The following MATN2 variants were observed in gnomAD, a reference collection of about 807,000 sequenced individuals.
MATN2 encodes the protein matrilin 2, also known as matrilin-2.
Under a neutral mutation model 103.2 loss-of-function variants are expected in MATN2, and 69 were observed. The observed-to-expected ratio is 0.67, with a 90% CI of 0.55 to 0.82. MATN2 has a LOEUF of 0.82. Ranked by LOEUF, MATN2 falls within the 40% of genes least tolerant of loss-of-function variation. The pLI is 0.00. For synonymous variants in MATN2, 429 were observed against 450.2 expected, an observed-to-expected ratio of 0.95 and a Z score of 0.60; for missense variants, 1,023 against 1,211.5, an observed-to-expected ratio of 0.84 and a Z score of 2.31.
chr8:97,897,173 G>C (rs1818841798), intron 2 of MATN2, among the ~76,000 whole-genome samples: 1 of 152,238 alleles, frequency 6.6e-6, no homozygotes, highest in South Asian at 2.1e-4. Flanking sequence ...CAGTAGGTCT[G>C]GGTTGGAGCC....
At chr8:98,020,881 T>C (rs553325814) in intron 12 of MATN2, 108 of 212,770 alleles carry the variant, frequency 5.1e-4, no homozygotes, top group Middle Eastern at 2.0e-3. Context: ...ACATGAGAAA[T>C]GTTCATTAGA....
rs575246475 is a variant in MATN2, at chr8:97,968,890, C to T, written c.958+7360C>T. Among the ~76,000 whole-genome samples the T allele has an allele frequency of 1.2e-4, 18 of 152,316 alleles. No homozygotes were observed. The South Asian group carries it at 2.5e-3, about 21-fold the overall frequency. On this transcript the variant is annotated intron_variant, in intron 5 of 18. Transcript: ENST00000254898. Reference sequence around the variant, plus strand: ...AATAGCAACACCCCACTCTCAGTACCGGTTTTCTGTGTTAGGCTGCTTGCA... The same window carrying T: ...AATAGCAACACCCCACTCTCAGTACTGGTTTTCTGTGTTAGGCTGCTTGCA...
chr8:98,007,062 G>GC lies in MATN2; in HGVS notation c.1328-38dup. The GC allele has an allele frequency of 6.4e-7, 1 of 1,557,952 alleles. No homozygotes were observed. Among genetic ancestry groups the GC allele is most frequent in the Non-Finnish European group, 8.7e-7 (1 of 1,148,172 alleles). ...GAATCTTGGTTGCTGGTGGGGTATTGCCCCCTCGGCTCCTCTATGCTTTCG... is the reference window on the plus strand; with the variant it reads ...GAATCTTGGTTGCTGGTGGGGTATTGCCCCCCTCGGCTCCTCTATGCTTTCG... On this transcript the variant is annotated intron_variant, in intron 8 of 18. Transcript: ENST00000254898. This position sits in a 1 kb window ranked among gnomAD's most constrained non-coding sequence, Gnocchi z 4.2.
intron 7 of MATN2, among the ~76,000 whole-genome samples, chr8:97,995,752 C>T (rs370078080): frequency 5.0e-4 from 76 of 152,310 alleles, no homozygotes; most frequent in African/African-American, 1.8e-3. Context: ...CTAGCAAGTG[C>T]TAAACTGTGT....
chr8:97,986,655 A>G (rs1812205450), intron 6 of MATN2, among the ~76,000 whole-genome samples: 2 of 152,158 alleles, frequency 1.3e-5, no homozygotes, highest in Non-Finnish European at 1.5e-5. Flanking sequence ...GTATATAGAC[A>G]CTGTATTTTC....
chr8:97,893,757 A>C (rs1038566380), intron 2 of MATN2, among the ~76,000 whole-genome samples: 2 of 151,926 alleles, frequency 1.3e-5, no homozygotes, highest in African/African-American at 4.8e-5. Flanking sequence ...TTGTATTTTT[A>C]GTAGAGACAG....
rs1274633720 is a variant in MATN2 at position 98,007,128 on chromosome 8, G to A, written c.1351G>A (p.Asp451Asn). 2 of 1,611,898 alleles carry A rather than the reference G, an allele frequency of 1.2e-6. No homozygotes were observed. The highest frequency in any genetic ancestry group is 2.7e-5 in the African/African-American group (2 of 74,864). ...AGGAGTGGACCACTGTGCACAGCAG[G>A]ACCATGGCTGTGAGCAGCTGTGTCT... ...CSRVDHCAQQDHGCEQLCLNT... is the reference protein window; with the variant it reads ...CSRVDHCAQQNHGCEQLCLNT... The change falls in exon 9 of 19, where the codon GAC becomes AAC. Residue 451 changes from aspartate (D) to asparagine (N), a missense_variant. Asp to Asn is a conservative substitution (Grantham distance 23, BLOSUM62 1). Coordinates refer to ENST00000254898, the MANE Select transcript of MATN2 (RefSeq NM_002380.5). The surrounding 1 kb of genome is among the most constrained non-coding windows in gnomAD (Gnocchi z 4.2).
intron 11 of MATN2, among the ~76,000 whole-genome samples, chr8:98,017,477 G>A (rs1484955134): frequency 1.3e-5 from 2 of 152,178 alleles, no homozygotes; most frequent in South Asian, 2.1e-4. Context: ...TTTTCTCAAC[G>A]TCTCAAAGCA....
At position 97,884,328 on chromosome 8, in the gene MATN2, C is replaced by T. The variant is rs376819485; in HGVS notation, c.-26-3747C>T. On this transcript the variant is annotated intron_variant, in intron 1 of 18. Transcript: ENST00000254898. Reference sequence around the variant, plus strand: ...GCTAATTTTGTATTTTTAGTAGAGACGGGATTTCTCCATGTTGATGAGGCT... The same window carrying T: ...GCTAATTTTGTATTTTTAGTAGAGATGGGATTTCTCCATGTTGATGAGGCT... Among the ~76,000 whole-genome samples, 37 of 151,780 alleles carry T rather than the reference C, an allele frequency of 2.4e-4. 1 individual carries two copies. The South Asian group carries it at 4.2e-3, about 17-fold the overall frequency.
At chr8:97,890,527 G>C (rs1204289556) in intron 2 of MATN2, among the ~76,000 whole-genome samples, 1 of 150,978 alleles carries the variant, frequency 6.6e-6, no homozygotes, top group African/African-American at 2.4e-5. Flanking sequence ...AAACACTATA[G>C]CTGTGGCCTG....
chr8:97,931,342 G>A lies in MATN2; in HGVS notation c.532G>A (p.Ala178Thr), dbSNP rs34354598. The change falls in exon 3 of 19, where the codon GCC becomes ACC. Residue 178 changes from alanine (A) to threonine (T), a missense_variant. Ala to Thr is a moderately conservative substitution (Grantham distance 58). Coordinates refer to ENST00000254898, the MANE Select transcript of MATN2 (RefSeq NM_002380.5). This position sits in a 1 kb window ranked among gnomAD's most constrained non-coding sequence, Gnocchi z 4.1. ...AGATGGGAGACCTCAGGACTCCGTG[G>A]CCGAGGTGGCTGCTAAGGCACGGGA... Reference protein sequence around the residue: ...VTDGRPQDSVAEVAAKARDTG... With the variant: ...VTDGRPQDSVTEVAAKARDTG... 2,791 of 1,613,898 alleles carry A rather than the reference G, an allele frequency of 1.7e-3. 36 individuals are homozygous for A. The African/African-American group carries it at 0.032, about 19-fold the overall frequency.
At chr8:98,013,112 G>C (rs1019968636) in intron 10 of MATN2, among the ~76,000 whole-genome samples, 2 of 152,206 alleles carry the variant, frequency 1.3e-5, no homozygotes, top group African/African-American at 4.8e-5. Flanking sequence ...TCCTATAGGG[G>C]AGTATCTTTG....
intron 2 of MATN2, among the ~76,000 whole-genome samples, chr8:97,923,803 C>G (rs10087303): frequency 2.0e-5 from 3 of 152,122 alleles, no homozygotes; most frequent in Non-Finnish European, 4.4e-5. Context: ...GTGATCCAAC[C>G]GCCTTGGCCT....
At chr8:97,873,882 C>T (rs1023218227) in intron 1 of MATN2, among the ~76,000 whole-genome samples, 1 of 152,154 alleles carries the variant, frequency 6.6e-6, no homozygotes, top group Non-Finnish European at 1.5e-5. Context: ...CTTGCCTCAG[C>T]CTCTCAAAGT....
At chr8:98,003,231 T>G (rs1812845435) in intron 7 of MATN2, among the ~76,000 whole-genome samples, 1 of 152,214 alleles carries the variant, frequency 6.6e-6, no homozygotes, top group African/African-American at 2.4e-5. Context: ...CTCAGGTGTT[T>G]GCGTTTGCTG....
intron 5 of MATN2, among the ~76,000 whole-genome samples, chr8:97,962,503 G>C (rs1200964312): frequency 6.6e-6 from 1 of 152,182 alleles, no homozygotes; most frequent in African/African-American, 2.4e-5. Flanking sequence ...TGAGTGATGA[G>C]AGTATCGTGG....
At chr8:97,965,517 A>G (rs545198624) in intron 5 of MATN2, among the ~76,000 whole-genome samples, 14 of 152,318 alleles carry the variant, frequency 9.2e-5, no homozygotes, top group African/African-American at 3.1e-4. Context: ...GGTGCTGTAC[A>G]TAAAGGGAAC....
intron 3 of MATN2, among the ~76,000 whole-genome samples, chr8:97,932,910 A>G (rs1419163900): frequency 1.3e-5 from 2 of 152,254 alleles, no homozygotes; most frequent in Non-Finnish European, 2.9e-5. Flanking sequence ...TTCCTAGAGC[A>G]GAGTGGAGAA....
intron 4 of MATN2, among the ~76,000 whole-genome samples, chr8:97,953,953 C>A (rs1021953742): frequency 6.6e-6 from 1 of 151,992 alleles, no homozygotes; most frequent in Non-Finnish European, 1.5e-5. Context: ...CAGAGCCAGA[C>A]CTTGTCTCAA....
Sources: gnomAD v4.1 joint callset for allele counts (sites outside exome capture counted in the v4.1 genomes callset) on GRCh38, gnomAD v4.1.1 for gene constraint, Gnocchi (gnomAD v3.1) non-coding constraint, MANE v1.5 for transcripts, NCBI Gene and HGNC (gene_info 2026-07-23, HGNC 2026-07-21) for gene names.